Variants in PDE4D observed in about 807,000 individuals in gnomAD.
PDE4D encodes phosphodiesterase 4D.
In PDE4D, 24 loss-of-function variants were observed where a neutral mutation model predicts 87.4. The observed-to-expected ratio is 0.27, with a 90% CI of 0.20 to 0.39. The LOEUF is 0.39. Ranked by LOEUF, PDE4D falls within the 10% of genes least tolerant of loss-of-function variation. The probability of loss-of-function intolerance (pLI) is 1.00; values close to 1 mark genes in which losing one functional copy is unlikely to be tolerated. For missense variants in PDE4D, 714 were observed against 1,041.0 expected, an observed-to-expected ratio of 0.69 and a Z score of 4.32; for synonymous variants, 384 against 383.2, an observed-to-expected ratio of 1.00 and a Z score of -0.02.
At chr5:59,142,618 T>C (rs1778050744) in intron 5 of PDE4D, among the ~76,000 whole-genome samples, 1 of 152,232 alleles carries the variant, frequency 6.6e-6, no homozygotes, top group African/African-American at 2.4e-5. Flanking sequence ...GTTCTCAAAC[T>C]AGGTGGGAAT....
intron 1 of PDE4D, among the ~76,000 whole-genome samples, chr5:60,466,270 T>C (rs941381550): frequency 6.6e-6 from 1 of 152,154 alleles, no homozygotes; most frequent in Non-Finnish European, 1.5e-5. Flanking sequence ...ATTCCACAAA[T>C]TGGCTGCTTG....
chr5:60,400,541 A>AAG (rs1554028891), intron 1 of PDE4D, among the ~76,000 whole-genome samples: 25 of 149,978 alleles, frequency 1.7e-4, no homozygotes, highest in Admixed American at 4.0e-4. Context: ...AAAAAAAAAA[A>AAG]AAAGAAATAT....
chr5:59,481,718 G>A (rs1804290135), intron 1 of PDE4D, among the ~76,000 whole-genome samples: 1 of 151,938 alleles, frequency 6.6e-6, no homozygotes, highest in Non-Finnish European at 1.5e-5. Context: ...TCATTTCGTT[G>A]TTCCCATCAC....
intron 3 of PDE4D, among the ~76,000 whole-genome samples, chr5:59,949,713 G>A (rs1758101932): frequency 6.6e-6 from 1 of 152,074 alleles, no homozygotes; most frequent in Admixed American, 6.6e-5. Context: ...AAAGTCACCT[G>A]CTATATTTTA....
At chr5:59,339,795 G>T (rs150768076) in intron 1 of PDE4D, among the ~76,000 whole-genome samples, 46 of 152,212 alleles carry the variant, frequency 3.0e-4, no homozygotes, top group African/African-American at 1.1e-3. Flanking sequence ...TTAACAAAAG[G>T]TCACTGAATT....
chr5:59,188,459 G>T (rs1027140278), intron 3 of PDE4D, among the ~76,000 whole-genome samples: 1 of 152,098 alleles, frequency 6.6e-6, no homozygotes, highest in Admixed American at 6.6e-5. Flanking sequence ...CTTCTTAGGT[G>T]CTTCTAAACA....
intron 3 of PDE4D, among the ~76,000 whole-genome samples, chr5:59,973,671 A>T (rs1395132678): frequency 3.3e-5 from 5 of 152,160 alleles, no homozygotes; most frequent in South Asian, 4.1e-4. Context: ...AATCCTCTGA[A>T]AATCAATTAA....
intron 9 of PDE4D, 56 bp from the exon 10 acceptor site, chr5:58,989,975 T>C: frequency 9.4e-7 from 1 of 1,065,588 alleles, no homozygotes; most frequent in Non-Finnish European, 1.3e-6. Context: ...AATTTCTCCA[T>C]AGAGTATGTT....
chr5:59,998,596 T>C (rs1336158949), intron 2 of PDE4D, among the ~76,000 whole-genome samples: 1 of 152,192 alleles, frequency 6.6e-6, no homozygotes, highest in Non-Finnish European at 1.5e-5. Flanking sequence ...TTCCTTTGAA[T>C]AATTTTCTAA....
intron 3 of PDE4D, among the ~76,000 whole-genome samples, chr5:59,940,233 G>A (rs1757036867): frequency 6.6e-6 from 1 of 152,172 alleles, no homozygotes; most frequent in South Asian, 2.1e-4. Context: ...AGCACCACAG[G>A]AGTTTCGGTT....
chr5:59,788,697 C>A (rs747389239), intron 1 of PDE4D, among the ~76,000 whole-genome samples: 1 of 152,152 alleles, frequency 6.6e-6, no homozygotes, highest in African/African-American at 2.4e-5. Context: ...ATTTAGAACT[C>A]CCAGAAATAA....
At chr5:60,202,459 C>T (rs1222375675) in intron 1 of PDE4D, among the ~76,000 whole-genome samples, 1 of 152,094 alleles carries the variant, frequency 6.6e-6, no homozygotes, top group Non-Finnish European at 1.5e-5. Context: ...GAGTCACCAT[C>T]CCCAGCCTGT....
chr5:60,263,102 C>T (rs1258770268), intron 1 of PDE4D, among the ~76,000 whole-genome samples: 1 of 152,140 alleles, frequency 6.6e-6, no homozygotes, highest in Non-Finnish European at 1.5e-5. Context: ...TCCTATAAAC[C>T]TCTGTGCTAA....
chr5:59,701,881 T>C (rs980196465), intron 1 of PDE4D, among the ~76,000 whole-genome samples: 1 of 152,100 alleles, frequency 6.6e-6, no homozygotes, highest in Non-Finnish European at 1.5e-5. Flanking sequence ...CAGCAGAAGG[T>C]AAAAACATAT....
chr5:59,982,313 G>A (rs1480960275), intron 3 of PDE4D, among the ~76,000 whole-genome samples: 1 of 152,108 alleles, frequency 6.6e-6, no homozygotes, highest in Non-Finnish European at 1.5e-5. Flanking sequence ...ATGTCACAAG[G>A]GAATAAGTTG....
intron 6 of PDE4D, among the ~76,000 whole-genome samples, chr5:58,996,124 A>T (rs2153347644): frequency 6.6e-6 from 1 of 152,138 alleles, no homozygotes. Context: ...AACATCACAC[A>T]CCAGGGCCTA....
chr5:59,228,227 GAAC>G (rs1316179484), intron 1 of PDE4D, among the ~76,000 whole-genome samples: 1 of 151,942 alleles, frequency 6.6e-6, no homozygotes, highest in Admixed American at 6.6e-5. Context: ...AGAAAGAGAG[GAAC>G]AATAGACACT....
intron 1 of PDE4D, among the ~76,000 whole-genome samples, chr5:59,265,268 G>A (rs1331828477): frequency 6.6e-6 from 1 of 151,958 alleles, no homozygotes; most frequent in African/African-American, 2.4e-5. Flanking sequence ...TTCTCATTGA[G>A]TTTTAAATAA....
At position 59,480,189 on chromosome 5, in the gene PDE4D, C is replaced by T. The variant is rs563829431; in HGVS notation, c.456-264221G>A. On this transcript the variant is annotated intron_variant, in intron 1 of 14. Coordinates refer to ENST00000340635, the MANE Select transcript of PDE4D (RefSeq NM_001104631.2). ...ATTTTTGTTCATGAATATTATAGTACTCCAAGCTTTTTTTTTTAATTCAAA... is the reference window on the plus strand; with the variant it reads ...ATTTTTGTTCATGAATATTATAGTATTCCAAGCTTTTTTTTTTAATTCAAA... 2.5e-4 allele frequency among the ~76,000 whole-genome samples: 37 copies of T among 151,018 alleles called. 1 individual carries two copies. In the South Asian group the frequency reaches 7.5e-3, roughly 31 times the overall value.
Sources: allele counts gnomAD v4.1 joint callset (sites outside exome capture counted in the v4.1 genomes callset), GRCh38; gene constraint gnomAD v4.1.1; transcripts MANE v1.5; gene names NCBI Gene and HGNC (gene_info 2026-07-23, HGNC 2026-07-21).